ANKRD30B: variants seen among roughly 807,000 people sequenced by gnomAD.
The protein encoded by ANKRD30B is ankyrin repeat domain 30B, also known as ankyrin repeat domain-containing protein 30B.
ANKRD30B carries 144 observed loss-of-function variants against 202.2 expected under a neutral mutation model. The ratio of observed to expected loss-of-function variants is 0.71; its 90% CI spans 0.62 to 0.82. The LOEUF is 0.82. ANKRD30B is among the 40% of genes least tolerant of loss of function. The pLI is 0.00. For synonymous variants in ANKRD30B, 508 were observed against 561.3 expected (o/e 0.91, Z 1.34); for missense variants, 1,487 against 1,669.1 (o/e 0.89, Z 1.90).
At chr18:14,833,599 T>A (rs1021162128) in intron 34 of ANKRD30B, among the ~76,000 whole-genome samples, 1 of 152,336 alleles carries the variant, frequency 6.6e-6, no homozygotes, top group East Asian at 1.9e-4. Context: ...GTAAGAATAT[T>A]CTCGCTTTTA....
intron 36 of ANKRD30B, among the ~76,000 whole-genome samples, chr18:14,837,932 C>T (rs184857642): frequency 2.6e-4 from 40 of 152,256 alleles, no homozygotes; most frequent in African/African-American, 5.8e-4. Context: ...AGGAGAATGG[C>T]GTGAACCCAG....
chr18:14,821,983 C>A (rs144528498), intron 30 of ANKRD30B, among the ~76,000 whole-genome samples: 33 of 152,196 alleles, frequency 2.2e-4, no homozygotes, highest in African/African-American at 7.9e-4. Context: ...GAATTCTCAT[C>A]GGAGCTTTGC....
the ANKRD30B span, among the ~76,000 whole-genome samples, chr18:14,926,587 A>G: frequency 6.6e-6 from 1 of 152,200 alleles, no homozygotes; most frequent in South Asian, 2.1e-4. Context: ...GTAATATTTG[A>G]ATTTTTTAAG....
At chr18:14,840,922 G>A (rs563352716) in intron 37 of ANKRD30B, among the ~76,000 whole-genome samples, 15 of 152,278 alleles carry the variant, frequency 9.9e-5, no homozygotes, top group African/African-American at 3.6e-4. Context: ...GAGTAAAACA[G>A]GGAATGAAGA....
the ANKRD30B span, among the ~76,000 whole-genome samples, chr18:14,919,101 T>G: frequency 6.6e-6 from 1 of 152,174 alleles, no homozygotes; most frequent in African/African-American, 2.4e-5. Context: ...CTGTGAGAGC[T>G]GCATAAAATG....
the ANKRD30B span, among the ~76,000 whole-genome samples, chr18:14,940,272 A>G: frequency 6.6e-6 from 1 of 152,166 alleles, no homozygotes; most frequent in Admixed American, 6.5e-5. Context: ...GGTGGAAACA[A>G]AGCTTGCCTA....
At chr18:14,919,183 G>C in the ANKRD30B span, among the ~76,000 whole-genome samples, 1 of 152,244 alleles carries the variant, frequency 6.6e-6, no homozygotes, top group Non-Finnish European at 1.5e-5. Context: ...ATTAGGGCAA[G>C]GACTTGCTAG....
At chr18:14,871,999 C>T in the ANKRD30B span, among the ~76,000 whole-genome samples, 1 of 152,084 alleles carries the variant, frequency 6.6e-6, no homozygotes, top group African/African-American at 2.4e-5. Context: ...CTCTCCCACA[C>T]ACTATTTGAG....
chr18:14,785,086 A>G (rs534944132), intron 14 of ANKRD30B, among the ~76,000 whole-genome samples: 4 of 152,242 alleles, frequency 2.6e-5, no homozygotes, highest in Middle Eastern at 3.4e-3. Flanking sequence ...CCTTGTAAAG[A>G]TGAGGAAAGT....
the ANKRD30B span, among the ~76,000 whole-genome samples, chr18:14,862,417 A>G: frequency 6.6e-6 from 1 of 152,210 alleles, no homozygotes; most frequent in Non-Finnish European, 1.5e-5. Flanking sequence ...AATAAGCACA[A>G]TAAAAAATTA....
the ANKRD30B span, among the ~76,000 whole-genome samples, chr18:14,887,085 C>T: frequency 6.6e-6 from 1 of 152,104 alleles, no homozygotes; most frequent in South Asian, 2.1e-4. Context: ...ATTAAAACCA[C>T]AATGGTTAGC....
At chr18:14,789,329 A>G (rs1268508989) in intron 15 of ANKRD30B, among the ~76,000 whole-genome samples, 2 of 152,146 alleles carry the variant, frequency 1.3e-5, no homozygotes, top group African/African-American at 2.4e-5. Flanking sequence ...ATGTTCTCCC[A>G]TTTTGTAGGT....
At chr18:14,766,527 C>G (rs1916250533) in intron 7 of ANKRD30B, among the ~76,000 whole-genome samples, 1 of 106,740 alleles carries the variant, frequency 9.4e-6, no homozygotes, top group South Asian at 2.8e-4. Flanking sequence ...AGAAAATTGT[C>G]AGGTCAGCAG....
At chr18:14,935,840 G>A in the ANKRD30B span, among the ~76,000 whole-genome samples, 1 of 152,226 alleles carries the variant, frequency 6.6e-6, no homozygotes, top group Non-Finnish European at 1.5e-5. Flanking sequence ...ACTGTCTCAA[G>A]GATGTTCCTT....
the ANKRD30B span, among the ~76,000 whole-genome samples, chr18:14,884,654 AG>A: frequency 4.6e-5 from 7 of 152,120 alleles, no homozygotes; most frequent in Non-Finnish European, 8.8e-5. Flanking sequence ...CATGAAAACC[AG>A]GAAGTAAAAG....
rs541593924 is a variant in ANKRD30B at position 14,797,690 on chromosome 18, G to T, written c.1956+1G>T. 1.2e-6 allele frequency: 2 copies of T among 1,609,018 alleles called. No homozygotes were observed. The highest frequency in any genetic ancestry group is 1.3e-5 in the African/African-American group (1 of 74,786). Reference sequence around the variant, plus strand: ...TCCTGATAAAGATGGTCTTCTGAAGGTAATAGCTTTTATGTCTCTATCTTG... The same window carrying T: ...TCCTGATAAAGATGGTCTTCTGAAGTTAATAGCTTTTATGTCTCTATCTTG... On this transcript the variant is annotated splice_donor_variant, in intron 19 of 43. Transcript: ENST00000690538. LOFTEE classifies it high-confidence loss of function.
In ANKRD30B at chr18:14,796,476, G is replaced by A. The variant is rs550577145; in HGVS notation, c.1927+61G>A. 4.1e-4 allele frequency: 607 copies of A among 1,475,082 alleles called. 1 individual carries two copies. Among genetic ancestry groups the A allele is most frequent in the African/African-American group, 1.5e-3 (105 of 70,486 alleles). 91.4% of individuals were successfully genotyped at this position (1,475,082 alleles called of 1,614,324 possible). A position where few individuals can be genotyped will look rare whatever the true frequency, so the allele number is the denominator to read the frequency against. ...AGAATATTAAACTATTTGAAATGCC[G>A]AGAGGCTTTTATTCCCAATGTTGTT... On this transcript the variant is annotated intron_variant, in intron 18 of 43. Transcript: ENST00000690538.
At chr18:14,789,709 A>G (rs1190316510) in intron 15 of ANKRD30B, among the ~76,000 whole-genome samples, 52 of 151,986 alleles carry the variant, frequency 3.4e-4, no homozygotes, top group Admixed American at 6.6e-4. Context: ...CTAGATATGC[A>G]CCATTATTTC....
intron 30 of ANKRD30B, among the ~76,000 whole-genome samples, chr18:14,819,411 G>T (rs1256668527): frequency 6.7e-6 from 1 of 149,486 alleles, no homozygotes; most frequent in African/African-American, 2.4e-5. Context: ...CATTGCTTTT[G>T]GTGTTTTAGA....
Sources: allele counts gnomAD v4.1 joint callset (sites outside exome capture counted in the v4.1 genomes callset), GRCh38; gene constraint gnomAD v4.1.1; transcripts MANE v1.5; gene names NCBI Gene and HGNC (gene_info 2026-07-23, HGNC 2026-07-21).